The following MYH15 variants were observed in gnomAD, a reference collection of about 807,000 sequenced individuals.
The protein encoded by MYH15 is myosin-15.
Under a neutral mutation model 240.5 loss-of-function variants are expected in MYH15, and 227 were observed. The ratio of observed to expected loss-of-function variants is 0.94; its 90% CI spans 0.85 to 1.05. The LOEUF (loss-of-function observed/expected upper bound fraction) is 1.05, where lower values mean the gene tolerates loss of function less well. Ranked by LOEUF, MYH15 falls within the 50% of genes least tolerant of loss-of-function variation. The probability of loss-of-function intolerance (pLI) is 0.00; values close to 1 mark genes in which losing one functional copy is unlikely to be tolerated. For synonymous variants in MYH15, 785 were observed against 796.7 expected, an observed-to-expected ratio of 0.99 and a Z score of 0.25; for missense variants, 2,217 against 2,247.5, an observed-to-expected ratio of 0.99 and a Z score of 0.27.
At chr3:108,391,662 G>T in intron 37 of MYH15, 98 bp downstream of exon 37, 2 of 1,243,448 alleles carry the variant, frequency 1.6e-6, no homozygotes, top group Non-Finnish European at 2.3e-6. Context: ...AAGTGATAAA[G>T]GGTATGTGTG....
intron 1 of MYH15, among the ~76,000 whole-genome samples, chr3:108,522,085 T>C (rs2083623254): frequency 6.6e-6 from 1 of 152,144 alleles, no homozygotes; most frequent in African/African-American, 2.4e-5. Flanking sequence ...TTAATAGTAA[T>C]AAGCCTGTTT....
Position 108,485,224 on chromosome 3 carries a change from G to A in MYH15, c.981C>T (p.Ala327=). ...DAEELLATEQ[A]MDILGFLPDE... ...CAGGAAGAAAGCCCAAGATGTCCAT[G>A]GCTTGCTGTAAAAAGAGAAACAGAT... The change falls in exon 11 of 41, where the codon GCC becomes GCT. Residue 327 remains alanine (A), a synonymous_variant. Transcript: ENST00000693548. The A allele has an allele frequency of 6.2e-7, 1 of 1,613,780 alleles. No homozygotes were observed. Among genetic ancestry groups the A allele is most frequent in the Non-Finnish European group, 8.5e-7 (1 of 1,179,858 alleles).
rs910532507 is a variant in MYH15, at chr3:108,496,352, G to A, written c.619-480C>T. ...TCCTAAGTAATCTAGAGGTTCACAT[G>A]AGTAGTGACTTTTAATAGTATTGAT... On this transcript the variant is annotated intron_variant, in intron 6 of 40. Coordinates refer to ENST00000693548, the MANE Select transcript of MYH15 (RefSeq NM_014981.3). 3.9e-5 allele frequency among the ~76,000 whole-genome samples: 6 copies of A among 152,258 alleles called. No individual in the cohort carries two copies. In the East Asian group the frequency reaches 9.6e-4, roughly 24 times the overall value.
intron 9 of MYH15, among the ~76,000 whole-genome samples, chr3:108,488,329 G>A (rs930985441): frequency 6.6e-6 from 1 of 151,886 alleles, no homozygotes; most frequent in Non-Finnish European, 1.5e-5. Flanking sequence ...TTCTTTTGAG[G>A]CAGGGTCTCA....
intron 30 of MYH15, among the ~76,000 whole-genome samples, chr3:108,412,087 C>G (rs2082598011): frequency 6.6e-6 from 1 of 152,214 alleles, no homozygotes; most frequent in Non-Finnish European, 1.5e-5. Flanking sequence ...ATAGGAGTTT[C>G]ACTTTGGGTG....
intron 1 of MYH15, among the ~76,000 whole-genome samples, chr3:108,520,070 A>C (rs2083605892): frequency 6.6e-6 from 1 of 152,200 alleles, no homozygotes; most frequent in African/African-American, 2.4e-5. Flanking sequence ...AGAATTGTCA[A>C]AATGCTTGGG....
At chr3:108,393,228 T>C (rs556780258) in intron 36 of MYH15, among the ~76,000 whole-genome samples, 1 of 152,314 alleles carries the variant, frequency 6.6e-6, no homozygotes, top group South Asian at 2.1e-4. Context: ...TGGCTGTGCA[T>C]TTGATGGGCT....
chr3:108,428,531 A>G lies in MYH15; in HGVS notation c.3663T>C (p.Asp1221=). The G allele has an allele frequency of 6.2e-7, 1 of 1,614,044 alleles. No individual in the cohort carries two copies. Residue 1221 remains aspartate, a synonymous_variant, in exon 27 of 41, where the codon GAT becomes GAC. Coordinates refer to ENST00000693548, the MANE Select transcript of MYH15 (RefSeq NM_014981.3). ...TCTGCTCAACACGGGTCAGGAGGTC[A>G]TCTACTTCTAGCTGCAAGTCACTCT... The part of the protein sequence containing the change: ...KDKSDLQLEV[D]DLLTRVEQMT...
At chr3:108,388,187 G>T (rs1159239377) in intron 38 of MYH15, among the ~76,000 whole-genome samples, 1 of 152,170 alleles carries the variant, frequency 6.6e-6, no homozygotes, top group African/African-American at 2.4e-5. Context: ...GTGACTTTTA[G>T]CATCTGTGTT....
At chr3:108,495,913 AG>A (rs760192958) in intron 6 of MYH15, 41 bp from the exon 7 acceptor site, 6 of 1,480,722 alleles carry the variant, frequency 4.1e-6, no homozygotes, top group Non-Finnish European at 4.6e-6. Context: ...TGAAACTATT[AG>A]TAGAATTCTG....
At chr3:108,436,735 C>T (rs1327681379) in intron 25 of MYH15, among the ~76,000 whole-genome samples, 1 of 152,208 alleles carries the variant, frequency 6.6e-6, no homozygotes, top group Non-Finnish European at 1.5e-5. Context: ...GATGGGGTTT[C>T]ACCATGTTGC....
chr3:108,527,719 A>C (rs1240064172), intron 1 of MYH15, among the ~76,000 whole-genome samples: 1 of 150,246 alleles, frequency 6.7e-6, no homozygotes, highest in Non-Finnish European at 1.5e-5. Flanking sequence ...AGAGGTTAAG[A>C]GTGGGCTCTG....
chr3:108,395,620 G>GTT (rs1365045087), intron 35 of MYH15, among the ~76,000 whole-genome samples: 1 of 133,768 alleles, frequency 7.5e-6, no homozygotes, highest in African/African-American at 2.8e-5. Flanking sequence ...TCTCTAATTT[G>GTT]TTTTTTTTTT....
chr3:108,426,267 A>T (rs952926817), intron 27 of MYH15, among the ~76,000 whole-genome samples: 1 of 151,550 alleles, frequency 6.6e-6, no homozygotes, highest in Non-Finnish European at 1.5e-5. Flanking sequence ...ATTAGTAGGG[A>T]TAGAAAGAAG....
In MYH15 at chr3:108,399,116, C is replaced by T. The variant is rs775256596; in HGVS notation, c.4888G>A (p.Glu1630Lys). 3.7e-6 allele frequency: 6 copies of T among 1,614,144 alleles called. No individual in the cohort carries two copies. The highest frequency in any genetic ancestry group is 3.3e-5 in the South Asian group (3 of 91,076). The change falls in exon 34 of 41, where the codon GAA (glutamate) becomes AAA (lysine). Residue 1630 changes from glutamate to lysine, a missense_variant. By Grantham distance (56) the Glu-to-Lys change is moderately conservative. Coordinates refer to ENST00000693548, the MANE Select transcript of MYH15 (RefSeq NM_014981.3). ...QLSCANRQVSEATKSLGQLQI... is the reference protein window; with the variant it reads ...QLSCANRQVSKATKSLGQLQI... ...AGCTGGCCCAGGGATTTGGTTGCTT[C>T]TGACACCTGCCGGTTGGCACAGCTA... is the stretch of plus-strand genomic sequence containing the variant.
At chr3:108,422,669 C>A (rs2082692639) in intron 27 of MYH15, among the ~76,000 whole-genome samples, 1 of 152,034 alleles carries the variant, frequency 6.6e-6, no homozygotes. Context: ...TTTGTCTGTA[C>A]AAAGAAAGTA....
the MYH15 span, chr3:108,550,916 C>A: frequency 3.7e-6 from 1 of 270,010 alleles, no homozygotes; most frequent in Non-Finnish European, 6.9e-6. Flanking sequence ...AATGTAAGAA[C>A]CAAAGAAAAC....
rs775445184 is a variant in MYH15, at chr3:108,486,514, A to C, written c.884T>G (p.Val295Gly). 2.5e-6 allele frequency: 4 copies of C among 1,610,616 alleles called. No individual in the cohort carries two copies. In the South Asian group the frequency reaches 4.4e-5, roughly 18 times the overall value. The change falls in exon 10 of 41, where the codon GTA (valine) becomes GGA (glycine). Residue 295 changes from valine (V) to glycine (G), a missense_variant. Physicochemically the swap from Val to Gly is moderately radical, Grantham distance 109 (BLOSUM62 -3). Coordinates refer to ENST00000693548, the MANE Select transcript of MYH15 (RefSeq NM_014981.3). ...GTGGAAGTCTGAGGGATTTGCAGAT[A>C]CCAGGAGCAGGTCTAGAGTGGGAAA... ...GQKELHDLLL[V>G]SANPSDFHFC... is the part of the protein sequence containing the mutation.
chr3:108,540,863 T>C, the MYH15 span, among the ~76,000 whole-genome samples: 1 of 152,150 alleles, frequency 6.6e-6, no homozygotes, highest in African/African-American at 2.4e-5. Context: ...TTATTTATAG[T>C]AGTTTTAGTG....
Sources: gnomAD v4.1 joint callset for allele counts (sites outside exome capture counted in the v4.1 genomes callset) on GRCh38, gnomAD v4.1.1 for gene constraint, MANE v1.5 for transcripts, NCBI Gene and HGNC (gene_info 2026-07-23, HGNC 2026-07-21) for gene names.